The following SLC44A5 variants were observed in gnomAD, a reference collection of about 807,000 sequenced individuals.
SLC44A5 encodes solute carrier family 44 member 5, also known as choline transporter-like protein 5.
A neutral mutation model predicts 101.8 loss-of-function variants in SLC44A5; 57 were observed. That is an observed-to-expected ratio of 0.56 (90% CI 0.45 to 0.70). The LOEUF (loss-of-function observed/expected upper bound fraction) is 0.70. Ranked by LOEUF, SLC44A5 falls within the 30% of genes least tolerant of loss-of-function variation. The pLI, the probability that SLC44A5 is intolerant of heterozygous loss-of-function variation, is 0.00. For synonymous variants in SLC44A5, 281 were observed against 290.9 expected (o/e 0.97, Z 0.35); for missense variants, 737 against 853.1 (o/e 0.86, Z 1.70).
chr1:75,306,599 A>C (rs989757762), intron 4 of SLC44A5, among the ~76,000 whole-genome samples: 1 of 152,152 alleles, frequency 6.6e-6, no homozygotes, highest in Non-Finnish European at 1.5e-5. Context: ...AGAGGTAATA[A>C]GAGAGTTTTG....
At chr1:75,341,622 G>A (rs922561545) in intron 3 of SLC44A5, among the ~76,000 whole-genome samples, 1 of 152,124 alleles carries the variant, frequency 6.6e-6, no homozygotes, top group African/African-American at 2.4e-5. Context: ...ACACTGTGTG[G>A]TAAGAGCTGT....
chr1:75,307,156 A>G (rs1654977173), intron 4 of SLC44A5, among the ~76,000 whole-genome samples: 1 of 152,158 alleles, frequency 6.6e-6, no homozygotes, highest in Non-Finnish European at 1.5e-5. Flanking sequence ...CTGACAGATC[A>G]TCCGTTTGTG....
chr1:75,435,326 T>C (rs777183950), intron 2 of SLC44A5, among the ~76,000 whole-genome samples: 16 of 152,182 alleles, frequency 1.1e-4, no homozygotes, highest in Non-Finnish European at 2.2e-4. Context: ...ATAAATGCTA[T>C]CTGTGTGGTT....
the SLC44A5 span, among the ~76,000 whole-genome samples, chr1:75,620,306 T>C: frequency 6.6e-6 from 1 of 152,146 alleles, no homozygotes; most frequent in Non-Finnish European, 1.5e-5. Context: ...TGTGCATGTG[T>C]CTTTATAGTA....
chr1:75,530,604 G>A (rs540213069), intron 2 of SLC44A5, among the ~76,000 whole-genome samples: 3 of 152,238 alleles, frequency 2.0e-5, no homozygotes, highest in African/African-American at 7.2e-5. Context: ...GCTGACAGAT[G>A]TTGTGTCTCT....
intron 2 of SLC44A5, among the ~76,000 whole-genome samples, chr1:75,418,949 G>T (rs1663833201): frequency 6.6e-6 from 1 of 152,120 alleles, no homozygotes; most frequent in Admixed American, 6.6e-5. Context: ...AAGGGAAGGG[G>T]AGCAAGCTAG....
chr1:75,413,816 C>T (rs1663437031), intron 2 of SLC44A5, among the ~76,000 whole-genome samples: 1 of 152,162 alleles, frequency 6.6e-6, no homozygotes, highest in African/African-American at 2.4e-5. Context: ...ATACTCTGTT[C>T]CTCTATGCCA....
chr1:75,619,359 T>C, the SLC44A5 span, among the ~76,000 whole-genome samples: 1 of 152,154 alleles, frequency 6.6e-6, no homozygotes, highest in African/African-American at 2.4e-5. Context: ...AATATCATTA[T>C]GCAGTGCGTT....
At chr1:75,398,036 A>G (rs1444595466) in intron 2 of SLC44A5, among the ~76,000 whole-genome samples, 1 of 152,162 alleles carries the variant, frequency 6.6e-6, no homozygotes, top group Non-Finnish European at 1.5e-5. Context: ...GATTTTCTTA[A>G]AATAGTATGT....
At chr1:75,438,060 T>C (rs1019393139) in intron 2 of SLC44A5, among the ~76,000 whole-genome samples, 1 of 152,130 alleles carries the variant, frequency 6.6e-6, no homozygotes, top group African/African-American at 2.4e-5. Context: ...CGTCTTCTTA[T>C]TCACTCTAAT....
intron 2 of SLC44A5, among the ~76,000 whole-genome samples, chr1:75,537,311 G>C (rs948120446): frequency 2.6e-5 from 4 of 152,052 alleles, no homozygotes; most frequent in Admixed American, 6.6e-5. Flanking sequence ...AAGAGAAAGA[G>C]GGAAAATCTA....
At chr1:75,335,984 C>T (rs1657413191) in intron 4 of SLC44A5, among the ~76,000 whole-genome samples, 1 of 152,070 alleles carries the variant, frequency 6.6e-6, no homozygotes, top group Non-Finnish European at 1.5e-5. Flanking sequence ...TTTTCATATG[C>T]TTGTGGGGTC....
chr1:75,564,913 C>A (rs1247323041), intron 1 of SLC44A5, among the ~76,000 whole-genome samples: 1 of 152,180 alleles, frequency 6.6e-6, no homozygotes, highest in African/African-American at 2.4e-5. Flanking sequence ...TGAGCCACTG[C>A]GCCCGGCCTA....
At chr1:75,217,749 G>A (rs1177156249) in intron 18 of SLC44A5, 117 bp downstream of exon 18, 9 of 710,416 alleles carry the variant, frequency 1.3e-5, no homozygotes, top group African/African-American at 1.1e-4. Context: ...AACAGAACGG[G>A]TCCCAAATAT....
At position 75,280,461 on chromosome 1, in the gene SLC44A5, A is replaced by G. The variant is rs185281762; in HGVS notation, c.176-5419T>C. Among the ~76,000 whole-genome samples, 154 of 105,480 alleles carry G rather than the reference A, an allele frequency of 1.5e-3. 18 individuals carry two copies. The East Asian group carries it at 0.028, about 19-fold the overall frequency. 69.2% of individuals were successfully genotyped at this position (105,480 alleles called of 152,430 possible). ...ATATATAGTATATATTATATATAGT[A>G]TATATAATATATAATTGTATATATT... On this transcript the variant is annotated intron_variant, in intron 5 of 23. Coordinates refer to ENST00000370859, the MANE Select transcript of SLC44A5 (RefSeq NM_001130058.2).
chr1:75,697,338 A>G, the SLC44A5 span, among the ~76,000 whole-genome samples: 1 of 152,242 alleles, frequency 6.6e-6, no homozygotes, highest in Non-Finnish European at 1.5e-5. Flanking sequence ...ATATATTTCA[A>G]TTAAAGCCCA....
chr1:75,629,844 G>A, the SLC44A5 span, among the ~76,000 whole-genome samples: 1 of 152,112 alleles, frequency 6.6e-6, no homozygotes, highest in African/African-American at 2.4e-5. Flanking sequence ...AAGAAATGAG[G>A]TGTAAAACAG....
At position 75,559,498 on chromosome 1, in the gene SLC44A5, T is replaced by C. The variant is rs143226935; in HGVS notation, c.-69-17982A>G. Among the ~76,000 whole-genome samples the C allele has an allele frequency of 2.4e-3, 361 of 152,260 alleles. 3 individuals carry two copies. The highest frequency in any genetic ancestry group is 7.9e-3 in the African/African-American group (327 of 41,558). ...TAGTTCACTTGGAAGCACTGAGTAG[T>C]ATATTGAGAACTTTGCATTTCACCT... On this transcript the variant is annotated intron_variant, in intron 1 of 23. Coordinates refer to ENST00000370859, the MANE Select transcript of SLC44A5 (RefSeq NM_001130058.2).
intron 4 of SLC44A5, 143 bp downstream of exon 4, chr1:75,339,439 A>C (rs1657697433): frequency 1.6e-6 from 1 of 629,676 alleles, no homozygotes; most frequent in African/African-American, 1.9e-5. Context: ...TGTGTAAATA[A>C]GGTGACATTT....
Sources: allele counts gnomAD v4.1 joint callset (sites outside exome capture counted in the v4.1 genomes callset), GRCh38; gene constraint gnomAD v4.1.1; transcripts MANE v1.5; gene names NCBI Gene and HGNC (gene_info 2026-07-23, HGNC 2026-07-21).